Variants in ZNF385D observed in about 807,000 individuals in gnomAD.
ZNF385D encodes zinc finger protein 659.
A neutral mutation model predicts 35.8 loss-of-function variants in ZNF385D; 15 were observed. The ratio of observed to expected loss-of-function variants is 0.42; its 90% CI spans 0.28 to 0.64. The LOEUF is 0.64. Among genes scored for constraint, ZNF385D ranks in the 30% least tolerant of loss-of-function variants. ZNF385D has a pLI of 0.23. For missense variants in ZNF385D, 474 were observed against 494.6 expected (o/e 0.96, Z 0.39); for synonymous variants, 212 against 186.8 (o/e 1.13, Z -1.10).
intron 1 of ZNF385D, among the ~76,000 whole-genome samples, chr3:21,703,768 G>T (rs997452347): frequency 1.3e-5 from 2 of 152,024 alleles, no homozygotes; most frequent in African/African-American, 4.8e-5. Flanking sequence ...GGCCAAATAT[G>T]TTGTTATTTG....
intron 3 of ZNF385D, among the ~76,000 whole-genome samples, chr3:22,113,840 C>T (rs1390977945): frequency 6.6e-6 from 1 of 152,042 alleles, no homozygotes; most frequent in Non-Finnish European, 1.5e-5. Context: ...TTGAATACAT[C>T]AATAGAGATC....
chr3:22,137,813 T>C (rs1228720586), intron 3 of ZNF385D, among the ~76,000 whole-genome samples: 1 of 151,972 alleles, frequency 6.6e-6, no homozygotes, highest in Non-Finnish European at 1.5e-5. Flanking sequence ...TTGGAAGCTC[T>C]GGCCAGGGCA....
chr3:22,001,640 C>G (rs555912280), intron 3 of ZNF385D, among the ~76,000 whole-genome samples: 2 of 152,110 alleles, frequency 1.3e-5, no homozygotes, highest in Non-Finnish European at 2.9e-5. Flanking sequence ...CAGACATTTA[C>G]AGAACATTTC....
At chr3:21,820,036 A>G (rs900924899) in intron 3 of ZNF385D, among the ~76,000 whole-genome samples, 1 of 151,314 alleles carries the variant, frequency 6.6e-6, no homozygotes, top group African/African-American at 2.4e-5. Flanking sequence ...TAGATTAAGC[A>G]TATAAAAAAC....
intron 3 of ZNF385D, among the ~76,000 whole-genome samples, chr3:21,895,318 G>GTTTT (rs1329987111): frequency 1.2e-4 from 11 of 89,898 alleles, no homozygotes; most frequent in Admixed American, 2.7e-4. Context: ...GAAATGTGTG[G>GTTTT]CTTTTTTTTT....
chr3:21,554,112 A>G (rs1423213299), intron 3 of ZNF385D, among the ~76,000 whole-genome samples: 1 of 152,152 alleles, frequency 6.6e-6, no homozygotes, highest in African/African-American at 2.4e-5. Flanking sequence ...AAGGTTTTCA[A>G]TTTACTTGGG....
chr3:21,486,029 A>T (rs1176981379), intron 4 of ZNF385D, among the ~76,000 whole-genome samples: 1 of 141,758 alleles, frequency 7.1e-6, no homozygotes, highest in Non-Finnish European at 1.5e-5. Flanking sequence ...GAATTATCTT[A>T]AAACACCTAC....
chr3:22,358,501 T>A (rs1263224558), intron 2 of ZNF385D, among the ~76,000 whole-genome samples: 1 of 150,992 alleles, frequency 6.6e-6, no homozygotes, highest in East Asian at 2.0e-4. Context: ...TGGGAGAGAG[T>A]GAAGTTTTAA....
intron 3 of ZNF385D, among the ~76,000 whole-genome samples, chr3:21,819,344 T>C (rs867131422): frequency 9.2e-5 from 14 of 151,764 alleles, no homozygotes; most frequent in Middle Eastern, 3.4e-3. Flanking sequence ...GAAAATAGAA[T>C]AGTTATATGC....
intron 2 of ZNF385D, among the ~76,000 whole-genome samples, chr3:21,582,408 A>G (rs2063693144): frequency 1.3e-5 from 2 of 152,332 alleles, no homozygotes; most frequent in South Asian, 2.1e-4. Flanking sequence ...AATACAGAGT[A>G]GGCTATTTTT....
Position 22,371,891 on chromosome 3 carries a change from C to T in ZNF385D, c.106+559G>A, listed in dbSNP as rs571849510. ...AGAGCTTCTCATCCTGCCCTCAAAA[C>T]GCGTGTATCTCAGGTTTTTTTAAGT... On this transcript the variant is annotated intron_variant, in intron 2 of 5. Transcript: ENST00000494108. Among the ~76,000 whole-genome samples, 3 of 152,056 alleles carry T rather than the reference C, an allele frequency of 2.0e-5. No individual in the cohort carries two copies. The South Asian group carries it at 6.2e-4, about 32-fold the overall frequency.
chr3:22,268,631 G>C (rs972814576), intron 2 of ZNF385D, among the ~76,000 whole-genome samples: 2 of 152,094 alleles, frequency 1.3e-5, no homozygotes, highest in Non-Finnish European at 1.5e-5. Context: ...ATGGGCCATA[G>C]TCCATAGACT....
intron 2 of ZNF385D, among the ~76,000 whole-genome samples, chr3:22,224,113 C>A (rs1023781786): frequency 6.6e-6 from 1 of 151,984 alleles, no homozygotes; most frequent in Non-Finnish European, 1.5e-5. Flanking sequence ...ATAAACTGGT[C>A]ATGAATTTGA....
At chr3:22,291,551 TTA>T (rs1390926756) in intron 2 of ZNF385D, among the ~76,000 whole-genome samples, 1 of 152,046 alleles carries the variant, frequency 6.6e-6, no homozygotes, top group African/African-American at 2.4e-5. Flanking sequence ...CTAATATATT[TTA>T]GTTGATTTAG....
chr3:21,866,594 G>T (rs375146859), intron 3 of ZNF385D, among the ~76,000 whole-genome samples: 14 of 152,304 alleles, frequency 9.2e-5, no homozygotes, highest in African/African-American at 3.4e-4. Context: ...GATTCAGTAG[G>T]TATGGGGTGG....
chr3:21,618,941 C>T (rs549149215), intron 2 of ZNF385D, among the ~76,000 whole-genome samples: 1 of 152,272 alleles, frequency 6.6e-6, no homozygotes, highest in South Asian at 2.1e-4. Context: ...TAGGGGATAG[C>T]TCTTGTCCAG....
At chr3:22,138,057 C>G (rs1179695378) in intron 3 of ZNF385D, among the ~76,000 whole-genome samples, 1 of 152,086 alleles carries the variant, frequency 6.6e-6, no homozygotes, top group African/African-American at 2.4e-5. Context: ...GAGTGAACTC[C>G]CATTCACAGT....
At chr3:22,006,525 T>G (rs759350904) in intron 3 of ZNF385D, among the ~76,000 whole-genome samples, 2 of 151,400 alleles carry the variant, frequency 1.3e-5, no homozygotes, top group Non-Finnish European at 3.0e-5. Flanking sequence ...CAGTAATAAA[T>G]GAAGAACAGG....
chr3:22,015,047 T>G (rs1042327781), intron 3 of ZNF385D, among the ~76,000 whole-genome samples: 3 of 151,906 alleles, frequency 2.0e-5, no homozygotes, highest in Admixed American at 6.6e-5. Flanking sequence ...TGTAATTTCT[T>G]TTTTTTTAAA....
Sources: allele counts gnomAD v4.1 joint callset (sites outside exome capture counted in the v4.1 genomes callset), GRCh38; gene constraint gnomAD v4.1.1; transcripts MANE v1.5; gene names NCBI Gene and HGNC (gene_info 2026-07-23, HGNC 2026-07-21).